KCNAB1: variants seen among roughly 807,000 people sequenced by gnomAD.
KCNAB1 encodes the protein voltage-gated potassium channel subunit beta-1.
KCNAB1 carries 35 observed loss-of-function variants against 64.6 expected under a neutral mutation model. The observed-to-expected ratio is 0.54, with a 90% CI of 0.41 to 0.72. KCNAB1 has a LOEUF of 0.72. KCNAB1 is among the 30% of genes least tolerant of loss of function. KCNAB1 has a pLI of 0.00. For missense variants in KCNAB1, 401 were observed against 512.9 expected, an observed-to-expected ratio of 0.78 and a Z score of 2.11; for synonymous variants, 177 against 183.8, an observed-to-expected ratio of 0.96 and a Z score of 0.30.
intron 1 of KCNAB1, among the ~76,000 whole-genome samples, chr3:156,326,750 T>C (rs547915901): frequency 1.3e-5 from 2 of 152,270 alleles, no homozygotes; most frequent in South Asian, 4.1e-4. Flanking sequence ...CTTCATTCAG[T>C]TCTCTGCTCA....
intron 1 of KCNAB1, among the ~76,000 whole-genome samples, chr3:156,300,475 A>G (rs761775419): frequency 4.5e-4 from 68 of 152,164 alleles, no homozygotes; most frequent in African/African-American, 1.5e-3. Context: ...TACAATGTCT[A>G]TCTCTTCTTT....
chr3:156,150,748 A>G (rs1394868765), intron 1 of KCNAB1, among the ~76,000 whole-genome samples: 2 of 152,120 alleles, frequency 1.3e-5, no homozygotes, highest in African/African-American at 2.4e-5. Context: ...ACAGTCCTAG[A>G]CTCGAACTTA....
chr3:156,368,792 G>A (rs964219209), intron 1 of KCNAB1, among the ~76,000 whole-genome samples: 7 of 152,254 alleles, frequency 4.6e-5, no homozygotes, highest in East Asian at 1.9e-4. Context: ...ACAGTGCCCC[G>A]TGTACAAGAT....
intron 1 of KCNAB1, among the ~76,000 whole-genome samples, chr3:156,401,582 T>G (rs1713892944): frequency 6.6e-6 from 1 of 152,240 alleles, no homozygotes; most frequent in Admixed American, 6.5e-5. Context: ...AATGAGGGTC[T>G]GAGTCTAGAT....
At chr3:156,152,270 G>A (rs575146839) in intron 1 of KCNAB1, among the ~76,000 whole-genome samples, 10 of 152,322 alleles carry the variant, frequency 6.6e-5, no homozygotes, top group Admixed American at 2.6e-4. Context: ...GTCACCAGGC[G>A]TTAAGAGGGG....
At chr3:156,447,911 C>T (rs961122999) in intron 2 of KCNAB1, among the ~76,000 whole-genome samples, 1 of 152,164 alleles carries the variant, frequency 6.6e-6, no homozygotes, top group Non-Finnish European at 1.5e-5. Flanking sequence ...CTTTATACTC[C>T]AAGCAAGGCA....
intron 1 of KCNAB1, among the ~76,000 whole-genome samples, chr3:156,182,769 G>C (rs890383735): frequency 6.7e-6 from 1 of 149,970 alleles, no homozygotes; most frequent in African/African-American, 2.5e-5. Flanking sequence ...TGCCATCTCG[G>C]CTCAAGGCAA....
At chr3:156,121,741 G>T (rs1713356460) in intron 1 of KCNAB1, among the ~76,000 whole-genome samples, 2 of 152,276 alleles carry the variant, frequency 1.3e-5, no homozygotes, top group East Asian at 1.9e-4. Context: ...GATGAAAAAT[G>T]GTTCCAATTA....
chr3:156,201,165 A>G (rs184302842), intron 1 of KCNAB1, among the ~76,000 whole-genome samples: 81 of 152,288 alleles, frequency 5.3e-4, no homozygotes, highest in African/African-American at 5.5e-4. Context: ...ACCAGTCCCA[A>G]TGAGATGAAC....
At chr3:156,277,074 T>C (rs1719390817) in intron 1 of KCNAB1, among the ~76,000 whole-genome samples, 1 of 152,222 alleles carries the variant, frequency 6.6e-6, no homozygotes, top group South Asian at 2.1e-4. Context: ...GAGGCCATTG[T>C]AGGGTAATTA....
chr3:156,532,009 T>A (rs1718731642), intron 13 of KCNAB1, among the ~76,000 whole-genome samples: 1 of 39,836 alleles, frequency 2.5e-5, no homozygotes, highest in South Asian at 7.7e-4. Context: ...TCTTTGCTTT[T>A]CCACGGTTTT....
intron 1 of KCNAB1, among the ~76,000 whole-genome samples, chr3:156,386,075 A>G (rs1217981392): frequency 2.0e-5 from 3 of 152,236 alleles, no homozygotes; most frequent in Non-Finnish European, 4.4e-5. Flanking sequence ...TTGCCTCCTC[A>G]GAAGAAATAA....
intron 1 of KCNAB1, among the ~76,000 whole-genome samples, chr3:156,344,198 A>G (rs991545632): frequency 6.6e-6 from 1 of 152,118 alleles, no homozygotes; most frequent in African/African-American, 2.4e-5. Context: ...TTCCTAAAGG[A>G]TCTATTAGGA....
chr3:156,247,757 G>T (rs9870474), intron 1 of KCNAB1, among the ~76,000 whole-genome samples: 4 of 151,798 alleles, frequency 2.6e-5, no homozygotes, highest in East Asian at 1.9e-4. Flanking sequence ...GTAGAGACAG[G>T]GTTCGCCATG....
At chr3:156,431,750 C>T (rs1716225649) in intron 2 of KCNAB1, among the ~76,000 whole-genome samples, 1 of 152,244 alleles carries the variant, frequency 6.6e-6, no homozygotes, top group African/African-American at 2.4e-5. Flanking sequence ...TCTAGGCCCA[C>T]ATGAAAGAAT....
At chr3:156,260,299 CA>C (rs1478069445) in intron 1 of KCNAB1, among the ~76,000 whole-genome samples, 5 of 152,090 alleles carry the variant, frequency 3.3e-5, no homozygotes, top group Non-Finnish European at 5.9e-5. Flanking sequence ...CCATAAAATT[CA>C]CTCAAAATAA....
intron 1 of KCNAB1, among the ~76,000 whole-genome samples, chr3:156,282,879 T>G (rs1211451211): frequency 1.3e-5 from 2 of 151,678 alleles, no homozygotes; most frequent in African/African-American, 4.9e-5. Context: ...TGAGATGGGT[T>G]TCCTGAATAC....
intron 1 of KCNAB1, among the ~76,000 whole-genome samples, chr3:156,168,489 GATT>G (rs902244317): frequency 6.6e-6 from 1 of 152,096 alleles, no homozygotes; most frequent in Non-Finnish European, 1.5e-5. Context: ...AATACATGGT[GATT>G]ATTATTTTAT....
Position 156,383,523 on chromosome 3 carries a change from A to C in KCNAB1, c.276-38093A>C, listed in dbSNP as rs1193601632. Among the ~76,000 whole-genome samples, 3 of 152,140 alleles carry C rather than the reference A, an allele frequency of 2.0e-5. No individual in the cohort carries two copies. The East Asian group carries it at 5.8e-4, about 29-fold the overall frequency. On this transcript the variant is annotated intron_variant, in intron 1 of 13. Coordinates refer to ENST00000490337, the MANE Select transcript of KCNAB1 (RefSeq NM_172160.3). Reference sequence around the variant, plus strand: ...CCCAGTTTTGCACTGAAAGTCTGGCATCCTAGGAATTCCTCAGTTCTGGGC... The same window carrying C: ...CCCAGTTTTGCACTGAAAGTCTGGCCTCCTAGGAATTCCTCAGTTCTGGGC...
Sources: gnomAD v4.1 joint callset for allele counts (sites outside exome capture counted in the v4.1 genomes callset) on GRCh38, gnomAD v4.1.1 for gene constraint, MANE v1.5 for transcripts, NCBI Gene and HGNC (gene_info 2026-07-23, HGNC 2026-07-21) for gene names.